The following ULK4 variants were observed in gnomAD, a reference collection of about 807,000 sequenced individuals.
ULK4 encodes the protein inactive serine/threonine-protein kinase ULK4.
Under a neutral mutation model 160.6 loss-of-function variants are expected in ULK4, and 133 were observed. That is an observed-to-expected ratio of 0.83 (90% CI 0.72 to 0.96). ULK4 has a LOEUF of 0.96. ULK4 is among the 40% of genes least tolerant of loss of function. The probability of loss-of-function intolerance (pLI) is 0.00; values close to 1 mark genes in which losing one functional copy is unlikely to be tolerated. For missense variants in ULK4, 1,580 were observed against 1,499.5 expected (o/e 1.05, Z -0.89); for synonymous variants, 534 against 539.8 (o/e 0.99, Z 0.15).
intron 17 of ULK4, among the ~76,000 whole-genome samples, chr3:41,880,035 G>T (rs1165230255): frequency 1.3e-5 from 2 of 152,088 alleles, no homozygotes; most frequent in Admixed American, 1.3e-4. Context: ...CAGGAGAATC[G>T]TTTGAACCTG....
chr3:41,680,934 T>C (rs193087190), intron 29 of ULK4, among the ~76,000 whole-genome samples: 18 of 152,338 alleles, frequency 1.2e-4, no homozygotes, highest in South Asian at 2.1e-4. Context: ...TTTTAGGGTT[T>C]TGCATGTTTG....
chr3:41,434,960 A>C (rs937902430), intron 34 of ULK4, among the ~76,000 whole-genome samples: 12 of 152,302 alleles, frequency 7.9e-5, no homozygotes, highest in Admixed American at 6.5e-4. Flanking sequence ...TGCATGACGA[A>C]TTTTGTAATT....
intron 32 of ULK4, among the ~76,000 whole-genome samples, chr3:41,560,702 C>T (rs1020531635): frequency 6.6e-6 from 1 of 152,198 alleles, no homozygotes; most frequent in East Asian, 1.9e-4. Flanking sequence ...GTGATTTTTG[C>T]ACATTGATTT....
chr3:41,631,927 T>C (rs923222785), intron 30 of ULK4, among the ~76,000 whole-genome samples: 10 of 152,196 alleles, frequency 6.6e-5, no homozygotes, highest in African/African-American at 2.4e-4. Context: ...GCTGAGGGCT[T>C]TGGCCTCTCA....
At chr3:41,436,661 G>C (rs2083044514) in intron 34 of ULK4, among the ~76,000 whole-genome samples, 1 of 152,114 alleles carries the variant, frequency 6.6e-6, no homozygotes, top group African/African-American at 2.4e-5. Context: ...AAATATGTTA[G>C]GGGCCAACTG....
intron 29 of ULK4, among the ~76,000 whole-genome samples, chr3:41,666,823 C>G (rs2035364657): frequency 6.6e-6 from 1 of 151,996 alleles, no homozygotes; most frequent in Non-Finnish European, 1.5e-5. Context: ...TTAAAATAGA[C>G]TTGAAAGATA....
intron 35 of ULK4, among the ~76,000 whole-genome samples, chr3:41,302,770 A>C (rs28602197): frequency 0.08 from 12,162 of 152,208 alleles, 1,225 homozygotes; most frequent in African/African-American, 0.23. Flanking sequence ...ATCCACAATG[A>C]ATGTCTGTTG....
At chr3:41,878,782 G>A (rs1192164226) in intron 17 of ULK4, among the ~76,000 whole-genome samples, 1 of 151,034 alleles carries the variant, frequency 6.6e-6, no homozygotes, top group African/African-American at 2.4e-5. Flanking sequence ...GACAACATCT[G>A]AGTCTAGTGA....
intron 12 of ULK4, among the ~76,000 whole-genome samples, chr3:41,903,131 T>C (rs1698431818): frequency 6.6e-6 from 1 of 152,166 alleles, no homozygotes; most frequent in Admixed American, 6.5e-5. Context: ...TGGATATCCC[T>C]GCTGATTTAA....
At chr3:41,958,631 G>A (rs948564843) in intron 1 of ULK4, among the ~76,000 whole-genome samples, 1 of 151,358 alleles carries the variant, frequency 6.6e-6, no homozygotes, top group Non-Finnish European at 1.5e-5. Flanking sequence ...CGAATGGCTT[G>A]AACCCAGAAG....
chr3:41,829,667 G>C (rs1189146623), intron 18 of ULK4, among the ~76,000 whole-genome samples: 1 of 152,112 alleles, frequency 6.6e-6, no homozygotes, highest in South Asian at 2.1e-4. Context: ...AGAGGATGTG[G>C]AGAAATAGGA....
intron 35 of ULK4, among the ~76,000 whole-genome samples, chr3:41,376,023 A>C (rs1269389055): frequency 6.6e-6 from 1 of 150,504 alleles, no homozygotes; most frequent in African/African-American, 2.5e-5. Context: ...GCCAATAAAC[A>C]TATAAAAAAA....
intron 21 of ULK4, among the ~76,000 whole-genome samples, chr3:41,771,127 T>C (rs183569161): frequency 1.3e-3 from 192 of 152,314 alleles, no homozygotes; most frequent in Middle Eastern, 6.8e-3. Flanking sequence ...CTCCATCAAG[T>C]AGTAAGTTTC....
At chr3:41,393,694 T>C (rs1279430464) in intron 35 of ULK4, among the ~76,000 whole-genome samples, 1 of 152,186 alleles carries the variant, frequency 6.6e-6, no homozygotes, top group Admixed American at 6.5e-5. Context: ...TTATCCCTGG[T>C]GCAGTGCTTT....
intron 35 of ULK4, among the ~76,000 whole-genome samples, chr3:41,287,166 G>A (rs2125699691): frequency 6.6e-6 from 1 of 152,286 alleles, no homozygotes; most frequent in South Asian, 2.1e-4. Flanking sequence ...GCAAGATCAG[G>A]GTAGGAACTT....
At chr3:41,944,149 CATG>C (rs1282217617) in intron 2 of ULK4, among the ~76,000 whole-genome samples, 1 of 152,182 alleles carries the variant, frequency 6.6e-6, no homozygotes, top group Non-Finnish European at 1.5e-5. Context: ...GGAAAGCTGA[CATG>C]ATAACTAAAG....
At chr3:41,664,704 G>C (rs536811559) in intron 29 of ULK4, among the ~76,000 whole-genome samples, 11 of 152,076 alleles carry the variant, frequency 7.2e-5, no homozygotes, top group Non-Finnish European at 1.6e-4. Context: ...TAGATGTCTA[G>C]CCAATTACAA....
At chr3:41,589,550 A>T (rs1466856108) in intron 31 of ULK4, among the ~76,000 whole-genome samples, 1 of 152,140 alleles carries the variant, frequency 6.6e-6, no homozygotes, top group Non-Finnish European at 1.5e-5. Context: ...CAGACCACAG[A>T]GGTCATGTTG....
chr3:41,570,278 G>A (rs562586042), intron 31 of ULK4, among the ~76,000 whole-genome samples: 18 of 152,234 alleles, frequency 1.2e-4, no homozygotes, highest in East Asian at 1.9e-4. Context: ...AGAAACACAC[G>A]CTTAAGAGCA....
Sources: allele counts gnomAD v4.1 joint callset (sites outside exome capture counted in the v4.1 genomes callset), GRCh38; gene constraint gnomAD v4.1.1; transcripts MANE v1.5; gene names NCBI Gene and HGNC (gene_info 2026-07-23, HGNC 2026-07-21).